The following ACAD11 variants were observed in gnomAD, a reference collection of about 807,000 sequenced individuals.
ACAD11 encodes acyl-Coenzyme A dehydrogenase family, member 11.
In ACAD11, 83 loss-of-function variants were observed where a neutral mutation model predicts 102.2. That is an observed-to-expected ratio of 0.81 (90% CI 0.68 to 0.97). The LOEUF is 0.97. ACAD11 is among the 50% of genes least tolerant of loss of function. The probability of loss-of-function intolerance (pLI) is 0.00; values close to 1 mark genes in which losing one functional copy is unlikely to be tolerated. For missense variants in ACAD11, 901 were observed against 951.7 expected (o/e 0.95, Z 0.70); for synonymous variants, 324 against 319.8 (o/e 1.01, Z -0.14).
chr3:132,617,478 T>A (rs1366665173), intron 11 of ACAD11, among the ~76,000 whole-genome samples: 1 of 152,160 alleles, frequency 6.6e-6, no homozygotes, highest in Non-Finnish European at 1.5e-5. Flanking sequence ...ATACCCCATA[T>A]CCAATGAGGA....
intron 16 of ACAD11, among the ~76,000 whole-genome samples, 192 bp from the exon 17 acceptor site, chr3:132,576,118 C>T (rs1937520537): frequency 6.6e-6 from 1 of 152,070 alleles, no homozygotes; most frequent in Non-Finnish European, 1.5e-5. Flanking sequence ...TTAAAACCAC[C>T]ACCATTAAAC....
chr3:132,565,943 T>C (rs1937195974), intron 17 of ACAD11, among the ~76,000 whole-genome samples: 1 of 152,152 alleles, frequency 6.6e-6, no homozygotes, highest in South Asian at 2.1e-4. Context: ...TCTTTATAAA[T>C]CACCCAGTCT....
chr3:132,584,505 CTT>C (rs900552744), intron 13 of ACAD11, among the ~76,000 whole-genome samples: 1 of 152,126 alleles, frequency 6.6e-6, no homozygotes, highest in Non-Finnish European at 1.5e-5. Flanking sequence ...GGTCTTGACT[CTT>C]TTTCCAATTT....
chr3:132,592,799 T>C (rs184213236), intron 13 of ACAD11, among the ~76,000 whole-genome samples: 2 of 152,214 alleles, frequency 1.3e-5, no homozygotes, highest in East Asian at 3.9e-4. Context: ...AAATTTCCCT[T>C]ATATGAAAAA....
chr3:132,604,001 G>T (rs1336530505), intron 12 of ACAD11, among the ~76,000 whole-genome samples: 1 of 152,018 alleles, frequency 6.6e-6, no homozygotes, highest in Non-Finnish European at 1.5e-5. Flanking sequence ...TTAGAAAGAG[G>T]GCTGTGTATT....
At chr3:132,639,110 T>C (rs1408143472) in intron 5 of ACAD11, among the ~76,000 whole-genome samples, 2 of 152,304 alleles carry the variant, frequency 1.3e-5, no homozygotes, top group African/African-American at 4.8e-5. Flanking sequence ...TAATAAATTC[T>C]TCATGAGATA....
Position 132,618,663 on chromosome 3 carries a change from G to A in ACAD11, c.1385C>T (p.Ala462Val). 6.2e-7 allele frequency: 1 copy of A among 1,606,154 alleles called. No homozygotes were observed. Among genetic ancestry groups the A allele is most frequent in the Non-Finnish European group, 8.5e-7 (1 of 1,176,978 alleles). Residue 462 changes from alanine (A) to valine (V), a missense_variant, in exon 11 of 20, where the codon GCT becomes GTT. Physicochemically the swap from Ala to Val is moderately conservative, Grantham distance 64. Coordinates refer to ENST00000264990, the MANE Select transcript of ACAD11 (RefSeq NM_032169.5). ...TGCTTGGCAGTTAAAGACATCTGGA[G>A]CAAAAAAGCATTTTCCTGTTTCTTC... ...IAEETGKCFFAPDVFNCQAPD... is the reference protein window; with the variant it reads ...IAEETGKCFFVPDVFNCQAPD...
chr3:132,626,937 G>A, intron 8 of ACAD11, 120 bp from the exon 9 acceptor site: 2 of 928,996 alleles, frequency 2.2e-6, no homozygotes. Flanking sequence ...AGAAGGAGTA[G>A]CTGTATTTTA....
At chr3:132,619,222 T>C (rs1939519935) in intron 10 of ACAD11, among the ~76,000 whole-genome samples, 1 of 152,206 alleles carries the variant, frequency 6.6e-6, no homozygotes, top group Non-Finnish European at 1.5e-5. Context: ...TGGCTAATAA[T>C]GAATAGTTTT....
intron 13 of ACAD11, among the ~76,000 whole-genome samples, chr3:132,585,967 T>G (rs1027071322): frequency 6.6e-6 from 1 of 152,024 alleles, no homozygotes; most frequent in African/African-American, 2.4e-5. Context: ...GAAATACCAT[T>G]TGACCCAGCC....
At chr3:132,599,348 A>T (rs1019951684) in intron 13 of ACAD11, among the ~76,000 whole-genome samples, 14 of 152,024 alleles carry the variant, frequency 9.2e-5, no homozygotes, top group African/African-American at 3.4e-4. Flanking sequence ...TCTACTAAAA[A>T]TAGAAAAAAT....
chr3:132,592,910 A>C (rs1196759470), intron 13 of ACAD11, among the ~76,000 whole-genome samples: 1 of 152,164 alleles, frequency 6.6e-6, no homozygotes, highest in South Asian at 2.1e-4. Context: ...AATTCACTGA[A>C]TCCATCTCTA....
chr3:132,560,573 G>A (rs982681300), intron 18 of ACAD11, among the ~76,000 whole-genome samples: 15 of 151,800 alleles, frequency 9.9e-5, no homozygotes, highest in Non-Finnish European at 1.8e-4. Flanking sequence ...TTACCATGTC[G>A]GCTAATTTTT....
At chr3:132,599,907 A>T (rs1045794898) in intron 13 of ACAD11, among the ~76,000 whole-genome samples, 23 of 152,292 alleles carry the variant, frequency 1.5e-4, no homozygotes, top group African/African-American at 5.1e-4. Context: ...TAACATCAAA[A>T]TAAAAAATAA....
Position 132,631,486 on chromosome 3 carries a change from T to G in ACAD11, c.703-7A>C. 3 of 1,456,710 alleles carry G rather than the reference T, an allele frequency of 2.1e-6. No homozygotes were observed. The South Asian group carries it at 4.8e-5, about 23-fold the overall frequency. 90.2% of individuals were successfully genotyped at this position (1,456,710 alleles called of 1,614,324 possible). Reference sequence around the variant, plus strand: ...GCACTGCTATAACTCGACACTGTAATTAAAAATAAAGAGGTCTGTAACACA... The same window carrying G: ...GCACTGCTATAACTCGACACTGTAAGTAAAAATAAAGAGGTCTGTAACACA... On this transcript the variant is annotated splice_polypyrimidine_tract_variant and splice_region_variant and intron_variant, in intron 5 of 19. Coordinates refer to ENST00000264990, the MANE Select transcript of ACAD11 (RefSeq NM_032169.5).
At chr3:132,599,997 A>C (rs902823449) in intron 13 of ACAD11, among the ~76,000 whole-genome samples, 9 of 152,268 alleles carry the variant, frequency 5.9e-5, no homozygotes, top group Middle Eastern at 3.4e-3. Flanking sequence ...CGATTCACAA[A>C]ATTATGTATG....
At chr3:132,655,530 CTCTG>C (rs1174329240) in intron 1 of ACAD11, among the ~76,000 whole-genome samples, 1 of 152,208 alleles carries the variant, frequency 6.6e-6, no homozygotes, top group Non-Finnish European at 1.5e-5. Context: ...TAGCAGTCCC[CTCTG>C]TCTGGAACAC....
chr3:132,611,902 A>T (rs201847971), intron 11 of ACAD11, among the ~76,000 whole-genome samples: 2 of 151,958 alleles, frequency 1.3e-5, no homozygotes, highest in Non-Finnish European at 2.9e-5. Flanking sequence ...ACCAAAAAAG[A>T]GCCTGCATCG....
At chr3:132,611,875 T>C in intron 11 of ACAD11, among the ~76,000 whole-genome samples, 1 of 151,976 alleles carries the variant, frequency 6.6e-6, no homozygotes, top group East Asian at 1.9e-4. Flanking sequence ...AAAAAACTAC[T>C]TTAAAGTTCA....
Sources: gnomAD v4.1 joint callset for allele counts (sites outside exome capture counted in the v4.1 genomes callset) on GRCh38, gnomAD v4.1.1 for gene constraint, MANE v1.5 for transcripts, NCBI Gene and HGNC (gene_info 2026-07-23, HGNC 2026-07-21) for gene names.